Variants in FYN observed in about 807,000 individuals in gnomAD.
FYN encodes the protein FYN proto-oncogene, Src family tyrosine kinase, also known as tyrosine-protein kinase Fyn.
A neutral mutation model predicts 70.2 loss-of-function variants in FYN; 10 were observed. The ratio of observed to expected loss-of-function variants is 0.14; its 90% confidence interval spans 0.09 to 0.24. The LOEUF (loss-of-function observed/expected upper bound fraction) is 0.24, where lower values mean the gene tolerates loss of function less well. Among genes scored for constraint, FYN ranks in the 10% least tolerant of loss-of-function variants. The probability of loss-of-function intolerance (pLI) is 1.00; values close to 1 mark genes in which losing one functional copy is unlikely to be tolerated. For synonymous variants in FYN, 236 were observed against 248.6 expected (o/e 0.95, Z 0.48); for missense variants, 319 against 673.1 (o/e 0.47, Z 5.82).
chr6:111,802,068 T>C (rs752171468), intron 2 of FYN, among the ~76,000 whole-genome samples: 1 of 152,244 alleles, frequency 6.6e-6, no homozygotes, highest in Non-Finnish European at 1.5e-5. Flanking sequence ...TTTGGATCTG[T>C]GTCCCAGCCC....
chr6:111,796,727 C>T (rs1771816773), intron 2 of FYN, among the ~76,000 whole-genome samples: 2 of 152,094 alleles, frequency 1.3e-5, no homozygotes, highest in African/African-American at 2.4e-5. Flanking sequence ...GGGTAAGAAA[C>T]CTTAATGATG....
chr6:111,736,696 A>T (rs1157892232), intron 3 of FYN, among the ~76,000 whole-genome samples: 1 of 152,164 alleles, frequency 6.6e-6, no homozygotes, highest in Non-Finnish European at 1.5e-5. Flanking sequence ...CCCAAGTGAA[A>T]CAAAATGGTC....
At chr6:111,667,240 GA>G (rs1277994798) in intron 13 of FYN, among the ~76,000 whole-genome samples, 7 of 151,428 alleles carry the variant, frequency 4.6e-5, no homozygotes, top group Non-Finnish European at 2.9e-5. Flanking sequence ...TAGATTCTTT[GA>G]AAAAAAATTT....
intron 3 of FYN, among the ~76,000 whole-genome samples, chr6:111,746,809 A>C (rs1489655261): frequency 2.0e-5 from 3 of 151,942 alleles, no homozygotes. Flanking sequence ...GGACAAACAG[A>C]GAGAGGGTAG....
intron 2 of FYN, among the ~76,000 whole-genome samples, chr6:111,816,444 T>G (rs1772492116): frequency 6.6e-6 from 1 of 152,174 alleles, no homozygotes; most frequent in African/African-American, 2.4e-5. Flanking sequence ...CTCTCACTGA[T>G]TCTAACCTGA....
At chr6:111,811,714 G>T (rs910827017) in intron 2 of FYN, among the ~76,000 whole-genome samples, 1 of 152,156 alleles carries the variant, frequency 6.6e-6, no homozygotes, top group East Asian at 1.9e-4. Flanking sequence ...ACAAGTTGTA[G>T]CCTGGTTTAA....
At chr6:111,825,077 A>G (rs112226123) in intron 2 of FYN, among the ~76,000 whole-genome samples, 23 of 152,286 alleles carry the variant, frequency 1.5e-4, no homozygotes, top group African/African-American at 5.5e-4. Context: ...TCAGAAAGCC[A>G]TTGCCTCTGA....
chr6:111,769,251 A>G (rs1803346600), intron 3 of FYN, among the ~76,000 whole-genome samples: 1 of 152,212 alleles, frequency 6.6e-6, no homozygotes, highest in African/African-American at 2.4e-5. Context: ...CCTTCACTTA[A>G]CTGAGAATGT....
At chr6:111,847,504 G>C (rs1395993668) in intron 1 of FYN, among the ~76,000 whole-genome samples, 1 of 152,220 alleles carries the variant, frequency 6.6e-6, no homozygotes, top group South Asian at 2.1e-4. Context: ...TTAGGGCAGA[G>C]AGCTTTGAGT....
chr6:111,699,458 C>T (rs1412401402), intron 9 of FYN: 4 of 1,567,312 alleles, frequency 2.6e-6, no homozygotes, highest in Non-Finnish European at 3.5e-6. Context: ...TTGTTCAAAA[C>T]CATCCTTTTA....
chr6:111,822,221 G>A (rs1364851267), intron 2 of FYN, among the ~76,000 whole-genome samples: 1 of 152,124 alleles, frequency 6.6e-6, no homozygotes, highest in Non-Finnish European at 1.5e-5. Context: ...TAAAGAGTTG[G>A]AACCAACCCA....
intron 12 of FYN, among the ~76,000 whole-genome samples, chr6:111,690,047 T>TA (rs1799244829): frequency 6.6e-6 from 1 of 152,166 alleles, no homozygotes; most frequent in Non-Finnish European, 1.5e-5. Flanking sequence ...AAGAAAAAAC[T>TA]AGAGTCTGCA....
chr6:111,739,458 G>T (rs1352425744), intron 3 of FYN, among the ~76,000 whole-genome samples: 2 of 152,252 alleles, frequency 1.3e-5, no homozygotes, highest in Admixed American at 6.5e-5. Flanking sequence ...GCTCCTGCCT[G>T]GGGATGCTGT....
At position 111,759,900 on chromosome 6, in the gene FYN, G is replaced by C. The variant is rs928587053; in HGVS notation, c.-12+20666C>G. On this transcript the variant is annotated intron_variant, in intron 3 of 13. Coordinates refer to ENST00000354650, the MANE Select transcript of FYN (RefSeq NM_002037.5). ...AAGCAGAAAGCTTCAGTTTTCATTC[G>C]ATTATTCTCTCCGCTGTGGTTTGAC... 5.3e-5 allele frequency: 8 copies of C among 152,110 alleles called. No individual in the cohort carries two copies. In the East Asian group the frequency reaches 1.5e-3, roughly 29 times the overall value. 9.4% of individuals were successfully genotyped at this position (152,110 alleles called of 1,614,324 possible).
In FYN at chr6:111,748,404, C is replaced by T. The variant is rs147725228; in HGVS notation, c.-11-28342G>A. ...CAGAATGACGCTATCTTAGCAGGAG[C>T]TGGACCATGTTTTCAACAGACACAC... On this transcript the variant is annotated intron_variant, in intron 3 of 13. Coordinates refer to ENST00000354650, the MANE Select transcript of FYN (RefSeq NM_002037.5). 8.1e-4 allele frequency among the ~76,000 whole-genome samples: 124 copies of T among 152,348 alleles called. 1 individual carries two copies. The East Asian group carries it at 0.019, about 24-fold the overall frequency.
At chr6:111,692,664 C>A (rs1799388245) in intron 12 of FYN, among the ~76,000 whole-genome samples, 1 of 152,192 alleles carries the variant, frequency 6.6e-6, no homozygotes, top group Admixed American at 6.5e-5. Context: ...ACTCGACTCA[C>A]ACACAGAAGG....
rs866014124 is a variant in FYN at position 111,733,917 on chromosome 6, A to T, written c.-11-13855T>A. On this transcript the variant is annotated intron_variant, in intron 3 of 13. Transcript: ENST00000354650. The stretch of plus-strand genomic sequence containing the variant: ...AGCCTGGGCAACATGGAGAAACCCC[A>T]TCTCTACAAATATACAAACATTAGC... Among the ~76,000 whole-genome samples, 4 of 152,008 alleles carry T rather than the reference A, an allele frequency of 2.6e-5. No homozygotes were observed. In the South Asian group the frequency reaches 6.2e-4, roughly 24 times the overall value.
chr6:111,674,401 G>A (rs1282842561), intron 13 of FYN, 98 bp downstream of exon 13: 1 of 1,340,292 alleles, frequency 7.5e-7, no homozygotes. Flanking sequence ...GCAGAAAGCT[G>A]AGGATGGGGC....
rs557824338 is a variant in FYN, at chr6:111,859,991, G to A, written c.-123+12977C>T. Among the ~76,000 whole-genome samples the A allele has an allele frequency of 3.3e-5, 5 of 152,174 alleles. 1 individual carries two copies. The highest frequency in any genetic ancestry group is 1.9e-4 in the East Asian group (1 of 5,162). On this transcript the variant is annotated intron_variant, in intron 1 of 13. Coordinates refer to ENST00000354650, the MANE Select transcript of FYN (RefSeq NM_002037.5). ...CAGAGGAAAATACCCTGTGAAGATG[G>A]AGGCAGAGATTGTAGTGACATGCCT...
Sources: gnomAD v4.1 joint callset for allele counts (sites outside exome capture counted in the v4.1 genomes callset) on GRCh38, gnomAD v4.1.1 for gene constraint, MANE v1.5 for transcripts, NCBI Gene and HGNC (gene_info 2026-07-23, HGNC 2026-07-21) for gene names.